Variants in TXNRD2 observed in about 807,000 individuals in gnomAD.
The protein encoded by TXNRD2 is thioredoxin reductase 2.
TXNRD2 carries 67 observed loss-of-function variants against 70.8 expected under a neutral mutation model. That is an observed-to-expected ratio of 0.95 (90% CI 0.78 to 1.16). The LOEUF is 1.16. TXNRD2 is among the 50% of genes most tolerant of loss of function. The pLI is 0.00. For synonymous variants in TXNRD2, 301 were observed against 295.8 expected (o/e 1.02, Z -0.18); for missense variants, 644 against 719.9 (o/e 0.89, Z 1.21).
intron 2 of TXNRD2, among the ~76,000 whole-genome samples, chr22:19,919,824 C>T (rs1011683326): frequency 2.9e-5 from 3 of 101,836 alleles, no homozygotes; most frequent in African/African-American, 1.2e-4. Flanking sequence ...GTCTTCCAGT[C>T]TCTTTCTGGC....
intron 1 of TXNRD2, chr22:19,938,193 T>C (rs906645474): frequency 3.9e-5 from 6 of 152,212 alleles, no homozygotes; most frequent in African/African-American, 4.8e-5. Context: ...CACCTCATGA[T>C]ACTAAAGGTA....
chr22:19,877,460 G>A (rs1020297169), intron 16 of TXNRD2, among the ~76,000 whole-genome samples: 1 of 151,850 alleles, frequency 6.6e-6, no homozygotes, highest in African/African-American at 2.4e-5. Flanking sequence ...GCCACGCCCT[G>A]GCTTGCCCTG....
intron 8 of TXNRD2, among the ~76,000 whole-genome samples, chr22:19,899,685 C>T (rs1158250918): frequency 1.3e-5 from 2 of 152,262 alleles, no homozygotes; most frequent in Non-Finnish European, 2.9e-5. Flanking sequence ...CAACCCCACA[C>T]TCCACATGTG....
rs1429132177 is a variant in TXNRD2, at chr22:19,918,921, C to T, written c.313G>A (p.Gly105Ser). 1.2e-6 allele frequency: 2 copies of T among 1,613,000 alleles called. No individual in the cohort carries two copies. The highest frequency in any genetic ancestry group is 1.7e-6 in the Non-Finnish European group (2 of 1,179,970). Residue 105 changes from glycine to serine, a missense_variant, in exon 4 of 18, where the codon GGC becomes AGC. Transcript: ENST00000400521. The stretch of plus-strand genomic sequence containing the variant: ...TAGTTGGGGGCATCTTGGATCAGGC[C>T]TCCCAGCAGTGCCGCCTGGTGCATC... Reference protein sequence around the residue: ...KLMHQAALLGGLIQDAPNYGW... With the variant: ...KLMHQAALLGSLIQDAPNYGW...
At chr22:19,906,932 G>C in intron 8 of TXNRD2, among the ~76,000 whole-genome samples, 1 of 119,710 alleles carries the variant, frequency 8.4e-6, no homozygotes, top group Admixed American at 9.8e-5. Flanking sequence ...TCTCAGGAGA[G>C]TGTGGGCACC....
At chr22:19,911,073 T>TAA in intron 8 of TXNRD2, 2 of 328,390 alleles carry the variant, frequency 6.1e-6, no homozygotes, top group African/African-American at 2.3e-5. Context: ...AGAATTCACC[T>TAA]AAAAAAAAAA....
chr22:19,898,796 C>T (rs925530376), intron 9 of TXNRD2, among the ~76,000 whole-genome samples: 3 of 152,142 alleles, frequency 2.0e-5, no homozygotes, highest in Non-Finnish European at 4.4e-5. Flanking sequence ...TGGGGCTGCT[C>T]TTGAGGGAGG....
intron 2 of TXNRD2, among the ~76,000 whole-genome samples, 193 bp from the exon 3 acceptor site, chr22:19,919,792 C>CAA (rs1184015574): frequency 1.4e-4 from 22 of 152,182 alleles, no homozygotes; most frequent in African/African-American, 4.3e-4. Context: ...CTGAGCTGCG[C>CAA]TGCCTGCTGG....
At chr22:19,919,652 A>C in intron 2 of TXNRD2, 53 bp from the exon 3 acceptor site, 14 of 1,483,146 alleles carry the variant, frequency 9.4e-6, no homozygotes, top group Non-Finnish European at 1.2e-5. Flanking sequence ...CTCAGGACTC[A>C]AGAACAGGCA....
chr22:19,878,248 T>C, intron 15 of TXNRD2, 61 bp from the exon 16 acceptor site: 6 of 1,595,708 alleles, frequency 3.8e-6, no homozygotes, highest in Non-Finnish European at 5.2e-6. Context: ...CCACCCTGCA[T>C]CCACCCTGCA....
intron 12 of TXNRD2, 50 bp from the exon 13 acceptor site, chr22:19,880,767 T>G (rs1454256427): frequency 7.3e-7 from 1 of 1,369,134 alleles, no homozygotes; most frequent in Admixed American, 1.7e-5. Context: ...CGGGGTTATA[T>G]GCAGCCCCTA....
chr22:19,894,709 G>A (rs1601408142), intron 11 of TXNRD2: 1 of 217,674 alleles, frequency 4.6e-6, no homozygotes, highest in Non-Finnish European at 9.2e-6. Context: ...ATACATACTG[G>A]CCAGGTGCGG....
At position 19,941,683 on chromosome 22, in the gene TXNRD2, G is replaced by A. The variant is rs1569121205; in HGVS notation, c.103+18C>T. 2 of 1,467,244 alleles carry A rather than the reference G, an allele frequency of 1.4e-6. No homozygotes were observed. Among genetic ancestry groups the A allele is most frequent in the South Asian group, 1.3e-5 (1 of 76,446 alleles). 90.9% of individuals were successfully genotyped at this position (1,467,244 alleles called of 1,614,324 possible). On this transcript the variant is annotated intron_variant, in intron 1 of 17. Transcript: ENST00000400521. ...CCGCGCGGACACCTACCGCGGGGAC[G>A]CCCCGACCCCATCCTACCTGCTGCG...
At chr22:19,933,599 A>G in intron 1 of TXNRD2, 1 of 982,750 alleles carries the variant, frequency 1.0e-6, no homozygotes, top group Non-Finnish European at 1.4e-6. Context: ...CCCTGTGCAC[A>G]CCCAGGAGCC....
chr22:19,902,863 G>A (rs1428844129), intron 8 of TXNRD2: 5 of 482,664 alleles, frequency 1.0e-5, no homozygotes, highest in Admixed American at 2.2e-5. Flanking sequence ...AAATGGCTGT[G>A]GTTCTTCCCA....
At chr22:19,919,668 C>T (rs538530224) in intron 2 of TXNRD2, 69 bp from the exon 3 acceptor site, 7 of 1,462,208 alleles carry the variant, frequency 4.8e-6, no homozygotes, top group Admixed American at 3.9e-5. Context: ...AGGCACTCCT[C>T]AGGGCTTGTG....
chr22:19,879,738 C>A (rs1938674401), intron 14 of TXNRD2, among the ~76,000 whole-genome samples: 1 of 152,084 alleles, frequency 6.6e-6, no homozygotes, highest in African/African-American at 2.4e-5. Flanking sequence ...GGCCCTGGTG[C>A]TTTCAGGGAC....
Position 19,919,120 on chromosome 22 carries a change from A to G in TXNRD2, c.230-116T>C. ...TTGCTTTGTAACTCTAACACAGACC[A>G]GCTGACATGCCACACGAATCTGCTC... On this transcript the variant is annotated intron_variant, in intron 3 of 17. Transcript: ENST00000400521. 3 of 983,972 alleles carry G rather than the reference A, an allele frequency of 3.0e-6. No homozygotes were observed. In the South Asian group the frequency reaches 4.2e-5, roughly 14 times the overall value. The allele number at this position is 983,972 out of a possible 1,614,324, so 61.0% of individuals were successfully genotyped here.
At chr22:19,883,554 G>A in intron 11 of TXNRD2, 93 bp from the exon 12 acceptor site, 5 of 1,579,070 alleles carry the variant, frequency 3.2e-6, no homozygotes, top group Non-Finnish European at 4.3e-6. Context: ...TGTCCACTTA[G>A]AGACCGGGTG....
Sources: gnomAD v4.1 joint callset for allele counts (sites outside exome capture counted in the v4.1 genomes callset) on GRCh38, gnomAD v4.1.1 for gene constraint, MANE v1.5 for transcripts, NCBI Gene and HGNC (gene_info 2026-07-23, HGNC 2026-07-21) for gene names.